The following LDB2 variants were observed in gnomAD, a reference collection of about 807,000 sequenced individuals.
LDB2 encodes LIM domain binding 2.
Under a neutral mutation model 44.3 loss-of-function variants are expected in LDB2, and 12 were observed. The ratio of observed to expected loss-of-function variants is 0.27; its 90% CI spans 0.17 to 0.44. The LOEUF is 0.44. LDB2 is among the 20% of genes least tolerant of loss of function. The pLI is 1.00. For missense variants in LDB2, 344 were observed against 473.5 expected (o/e 0.73, Z 2.54); for synonymous variants, 164 against 174.8 (o/e 0.94, Z 0.49).
chr4:16,831,647 A>G (rs1784094440), intron 1 of LDB2, among the ~76,000 whole-genome samples: 1 of 152,232 alleles, frequency 6.6e-6, no homozygotes, highest in South Asian at 2.1e-4. Context: ...ACTTCATAAA[A>G]AGAATGTGGC....
chr4:16,686,513 G>C (rs1245290644), intron 2 of LDB2, among the ~76,000 whole-genome samples: 1 of 152,194 alleles, frequency 6.6e-6, no homozygotes, highest in Non-Finnish European at 1.5e-5. Flanking sequence ...GAAATGATAA[G>C]AATCTTTGGG....
chr4:16,816,249 G>A (rs568594132), intron 1 of LDB2, among the ~76,000 whole-genome samples: 1 of 152,132 alleles, frequency 6.6e-6, no homozygotes, highest in African/African-American at 2.4e-5. Context: ...CAAAGGCTAT[G>A]CAAATGCTGT....
chr4:16,727,127 T>G (rs1312564572), intron 2 of LDB2, among the ~76,000 whole-genome samples: 1 of 152,198 alleles, frequency 6.6e-6, no homozygotes, highest in Non-Finnish European at 1.5e-5. Flanking sequence ...TCAGGGTGGC[T>G]TAGAAGTAGA....
At chr4:16,545,717 A>T (rs752648904) in intron 5 of LDB2, among the ~76,000 whole-genome samples, 52 of 152,222 alleles carry the variant, frequency 3.4e-4, no homozygotes, top group Admixed American at 9.8e-4. Context: ...TGCTTCTGAC[A>T]GCCCCTGCAG....
At chr4:16,857,042 T>C (rs943851617) in intron 1 of LDB2, among the ~76,000 whole-genome samples, 4 of 152,206 alleles carry the variant, frequency 2.6e-5, no homozygotes, top group African/African-American at 9.6e-5. Flanking sequence ...AGTCCCACTT[T>C]CTTCTTAGAG....
chr4:16,685,268 G>C (rs1000149401), intron 2 of LDB2, among the ~76,000 whole-genome samples: 2 of 152,200 alleles, frequency 1.3e-5, no homozygotes. Flanking sequence ...TATGGAGGAT[G>C]CGATCCTCAC....
chr4:16,563,684 T>G (rs911499164), intron 5 of LDB2, among the ~76,000 whole-genome samples: 2 of 151,272 alleles, frequency 1.3e-5, no homozygotes, highest in African/African-American at 4.9e-5. Context: ...GGTCTTGATC[T>G]CCTGACCTCG....
intron 1 of LDB2, among the ~76,000 whole-genome samples, chr4:16,875,130 G>A (rs1003778262): frequency 5.3e-5 from 8 of 152,084 alleles, no homozygotes; most frequent in African/African-American, 9.7e-5. Flanking sequence ...CAGCAAGGCA[G>A]GCCAGTCTGA....
At chr4:16,519,452 G>A (rs945099219) in intron 5 of LDB2, among the ~76,000 whole-genome samples, 5 of 151,934 alleles carry the variant, frequency 3.3e-5, no homozygotes, top group South Asian at 2.1e-4. Context: ...TAACTGCTAT[G>A]TTGTTTACCT....
intron 5 of LDB2, among the ~76,000 whole-genome samples, chr4:16,516,413 C>T (rs915348045): frequency 6.6e-6 from 1 of 152,182 alleles, no homozygotes; most frequent in African/African-American, 2.4e-5. Flanking sequence ...ATTTATTGAG[C>T]TTCCTCCTAA....
intron 2 of LDB2, among the ~76,000 whole-genome samples, chr4:16,660,479 C>T (rs757805286): frequency 2.0e-5 from 3 of 152,148 alleles, no homozygotes; most frequent in Non-Finnish European, 4.4e-5. Flanking sequence ...ACCACAACCA[C>T]CACCGCCATC....
At position 16,639,330 on chromosome 4, in the gene LDB2, A is replaced by C. The variant is rs1001675390; in HGVS notation, c.236-43455T>G. Among the ~76,000 whole-genome samples, 3 of 152,248 alleles carry C rather than the reference A, an allele frequency of 2.0e-5. 1 individual carries two copies. The highest frequency in any genetic ancestry group is 3.8e-4 in the East Asian group (2 of 5,200). ...TTTAGCATGGGCGTGACTTGGCTTC[A>C]GAGAGCACTATGAAACAAAACCCAA... On this transcript the variant is annotated intron_variant, in intron 2 of 7. Transcript: ENST00000304523.
intron 5 of LDB2, among the ~76,000 whole-genome samples, chr4:16,552,363 T>G (rs769842719): frequency 1.3e-5 from 2 of 152,224 alleles, no homozygotes; most frequent in Admixed American, 6.5e-5. Context: ...ATTTTTAAAC[T>G]AATGCTCTGA....
At chr4:16,765,748 C>T (rs888218510) in intron 1 of LDB2, among the ~76,000 whole-genome samples, 8 of 152,274 alleles carry the variant, frequency 5.3e-5, no homozygotes, top group South Asian at 4.1e-4. Flanking sequence ...AGACAGTGTT[C>T]GAGAGAAGTC....
At position 16,803,998 on chromosome 4, in the gene LDB2, CTG is replaced by C. The variant is rs1363927350; in HGVS notation, c.133-44740_133-44739del. On this transcript the variant is annotated intron_variant, in intron 1 of 7. Coordinates refer to ENST00000304523, the MANE Select transcript of LDB2 (RefSeq NM_001290.5). The stretch of plus-strand genomic sequence containing the variant: ...ACTGCAGGAATCAGATTTCTGAAGA[CTG>C]TAATTTTATTTCATCACTTGATTGA... Among the ~76,000 whole-genome samples, 14 of 152,280 alleles carry C rather than the reference CTG, an allele frequency of 9.2e-5. No individual in the cohort carries two copies. In the South Asian group the frequency reaches 2.9e-3, roughly 32 times the overall value.
chr4:16,719,364 T>C (rs1247003140), intron 2 of LDB2, among the ~76,000 whole-genome samples: 1 of 152,260 alleles, frequency 6.6e-6, no homozygotes, highest in Admixed American at 6.5e-5. Context: ...TGACAGAATA[T>C]ATTCATAAGA....
chr4:16,733,720 T>A lies in LDB2; in HGVS notation c.235+25438A>T, dbSNP rs79743492. Among the ~76,000 whole-genome samples the A allele has an allele frequency of 1.3e-4, 20 of 152,288 alleles. No homozygotes were observed. In the East Asian group the frequency reaches 3.5e-3, roughly 26 times the overall value. On this transcript the variant is annotated intron_variant, in intron 2 of 7. Transcript: ENST00000304523. ...TCCCCTGATAGGCTGAGCACAGCCT[T>A]GTGATACGGCAGGGATGTGGGAGTA...
At chr4:16,738,742 A>T (rs1186090789) in intron 2 of LDB2, among the ~76,000 whole-genome samples, 1 of 152,218 alleles carries the variant, frequency 6.6e-6, no homozygotes, top group Non-Finnish European at 1.5e-5. Flanking sequence ...TAATGAACAA[A>T]TGTTAGCAGT....
At chr4:16,599,361 G>T (rs1721941609) in intron 2 of LDB2, among the ~76,000 whole-genome samples, 1 of 152,036 alleles carries the variant, frequency 6.6e-6, no homozygotes, top group African/African-American at 2.4e-5. Context: ...GGAAGTTGGG[G>T]CCTGGCGAGG....
Sources: allele counts gnomAD v4.1 joint callset (sites outside exome capture counted in the v4.1 genomes callset), GRCh38; gene constraint gnomAD v4.1.1; transcripts MANE v1.5; gene names NCBI Gene and HGNC (gene_info 2026-07-23, HGNC 2026-07-21).